Variants in NAA50 observed in about 807,000 individuals in gnomAD.
NAA50 encodes N-alpha-acetyltransferase 50, NatE catalytic subunit.
A neutral mutation model predicts 20.7 loss-of-function variants in NAA50; 7 were observed. The ratio of observed to expected loss-of-function variants is 0.34; its 90% CI spans 0.19 to 0.63. The LOEUF (loss-of-function observed/expected upper bound fraction) is 0.63, where lower values mean the gene tolerates loss of function less well. NAA50 is among the 30% of genes least tolerant of loss of function. The pLI is 0.75. For missense variants in NAA50, 111 were observed against 199.1 expected (o/e 0.56, Z 2.66); for synonymous variants, 54 against 70.6 (o/e 0.77, Z 1.18).
chr3:113,740,636 A>T lies in NAA50; in HGVS notation c.8+5306T>A, dbSNP rs1422366373. On this transcript the variant is annotated intron_variant, in intron 1 of 4. Coordinates refer to ENST00000240922, the MANE Select transcript of NAA50 (RefSeq NM_025146.4). The stretch of plus-strand genomic sequence containing the variant: ...AGTGATCCTCCTGCTTTGGCTTCCC[A>T]AAGTGTCGGGATTACGAGTGTGAGC... Among the ~76,000 whole-genome samples the T allele has an allele frequency of 2.0e-5, 3 of 152,216 alleles. No homozygotes were observed. The East Asian group carries it at 5.8e-4, about 29-fold the overall frequency.
chr3:113,720,883 A>C lies in NAA50; in HGVS notation c.*877T>G, dbSNP rs1355703213. 6.6e-6 allele frequency: 1 copy of C among 152,564 alleles called. No individual in the cohort carries two copies. The highest frequency in any genetic ancestry group is 2.4e-5 in the African/African-American group (1 of 41,448). The allele number at this position is 152,564 out of a possible 1,614,324, so 9.5% of individuals were successfully genotyped here. On this transcript the variant is annotated 3_prime_UTR_variant, in exon 5 of 5. Coordinates refer to ENST00000240922, the MANE Select transcript of NAA50 (RefSeq NM_025146.4). The stretch of plus-strand genomic sequence containing the variant: ...AGGGGTAGTGACCTATAAGGACATC[A>C]ACTCAATTTTTAAGGTTAGACTATT...
intron 1 of NAA50, among the ~76,000 whole-genome samples, chr3:113,734,123 T>C (rs1708307944): frequency 6.6e-6 from 1 of 152,096 alleles, no homozygotes; most frequent in Non-Finnish European, 1.5e-5. Flanking sequence ...TACATAACCA[T>C]AAAAAAGAAC....
intron 1 of NAA50, among the ~76,000 whole-genome samples, chr3:113,734,230 A>G (rs1356670578): frequency 1.3e-5 from 2 of 152,188 alleles, no homozygotes; most frequent in African/African-American, 2.4e-5. Context: ...GTTCTCACTT[A>G]TATGTGGGAG....
intron 1 of NAA50, 177 bp downstream of exon 1, chr3:113,745,765 A>C: frequency 1.3e-6 from 1 of 749,028 alleles, no homozygotes; most frequent in Non-Finnish European, 2.0e-6. Flanking sequence ...TCAGCCCGCC[A>C]ACAGCCCGAG....
At chr3:113,737,383 T>C (rs780836384) in intron 1 of NAA50, among the ~76,000 whole-genome samples, 5 of 152,240 alleles carry the variant, frequency 3.3e-5, no homozygotes, top group Non-Finnish European at 5.9e-5. Flanking sequence ...GTGATTCCTC[T>C]GGAAAATAAA....
Position 113,721,787 on chromosome 3 carries a change from A to T in NAA50, c.483T>A (p.Asn161Lys), listed in dbSNP as rs897260174. 3.7e-6 allele frequency: 6 copies of T among 1,613,932 alleles called. No homozygotes were observed. Among genetic ancestry groups the T allele is most frequent in the Non-Finnish European group, 5.1e-6 (6 of 1,179,826 alleles). The change falls in exon 5 of 5, where the codon AAT becomes AAA. Residue 161 changes from asparagine to lysine, a missense_variant. Coordinates refer to ENST00000240922, the MANE Select transcript of NAA50 (RefSeq NM_025146.4). ...QKNLKVPSGQ[N>K]ADVQKTDN ...AGTTGTCTGTCTTTTGCACATCTGC[A>T]TTCTGACCAGAAGGAACTTTGAGGT...
Position 113,719,398 on chromosome 3 carries a change from T to C in NAA50, c.*2362A>G, listed in dbSNP as rs535474666. ...ATGGATATATCCTGTGATTTTCCAG[T>C]TAACAGAATTGTTCTACTTCAAAGA... is the stretch of plus-strand genomic sequence containing the variant. On this transcript the variant is annotated 3_prime_UTR_variant, in exon 5 of 5. Coordinates refer to ENST00000240922, the MANE Select transcript of NAA50 (RefSeq NM_025146.4). 2.0e-5 allele frequency: 3 copies of C among 152,764 alleles called. No homozygotes were observed. Among genetic ancestry groups the C allele is most frequent in the Non-Finnish European group, 4.4e-5 (3 of 68,002 alleles). 9.5% of individuals were successfully genotyped at this position (152,764 alleles called of 1,614,324 possible).
At chr3:113,725,780 C>T (rs946293622) in intron 1 of NAA50, among the ~76,000 whole-genome samples, 6 of 151,144 alleles carry the variant, frequency 4.0e-5, no homozygotes, top group Non-Finnish European at 8.8e-5. Context: ...CAAAAAACAG[C>T]AATAATTACA....
chr3:113,732,628 T>C (rs906775272), intron 1 of NAA50, among the ~76,000 whole-genome samples: 2 of 152,204 alleles, frequency 1.3e-5, no homozygotes, highest in Admixed American at 1.3e-4. Context: ...GTCTGTTTCC[T>C]TTACTCTTCT....
At chr3:113,736,338 G>C (rs1708341173) in intron 1 of NAA50, among the ~76,000 whole-genome samples, 1 of 152,170 alleles carries the variant, frequency 6.6e-6, no homozygotes, top group African/African-American at 2.4e-5. Flanking sequence ...TACTGCCAAA[G>C]TGCCTACAGA....
At position 113,717,422 on chromosome 3, in the gene NAA50, C is replaced by T. The variant is rs930929092; in HGVS notation, c.*4338G>A. On this transcript the variant is annotated 3_prime_UTR_variant, in exon 5 of 5. Coordinates refer to ENST00000240922, the MANE Select transcript of NAA50 (RefSeq NM_025146.4). Reference sequence around the variant, plus strand: ...AGGTTGAGAATTTCTGCCCCAGTAACAGATCGTTCTCTGACTTAAATAATT... The same window carrying T: ...AGGTTGAGAATTTCTGCCCCAGTAATAGATCGTTCTCTGACTTAAATAATT... The T allele has an allele frequency of 1.3e-5, 2 of 152,170 alleles. No individual in the cohort carries two copies. The highest frequency in any genetic ancestry group is 2.9e-5 in the Non-Finnish European group (2 of 68,026). 9.4% of individuals were successfully genotyped at this position (152,170 alleles called of 1,614,324 possible). A position where few individuals can be genotyped will look rare whatever the true frequency, so the allele number is the denominator to read the frequency against.
intron 1 of NAA50, among the ~76,000 whole-genome samples, chr3:113,740,665 A>T (rs1483817267): frequency 6.6e-6 from 1 of 152,144 alleles, no homozygotes; most frequent in Non-Finnish European, 1.5e-5. Context: ...TGTGAGCCAC[A>T]GTACCCAGCT....
chr3:113,746,070 G>T lies in NAA50; in HGVS notation c.-121C>A. 1 of 1,365,422 alleles carries T rather than the reference G, an allele frequency of 7.3e-7. No homozygotes were observed. Among genetic ancestry groups the T allele is most frequent in the Non-Finnish European group, 1.0e-6 (1 of 1,001,526 alleles). 84.6% of individuals were successfully genotyped at this position (1,365,422 alleles called of 1,614,324 possible). On this transcript the variant is annotated 5_prime_UTR_variant, in exon 1 of 5. Transcript: ENST00000240922. ...CCCGCAAGCCGGCCTCCTAGCCTGG[G>T]CAGGGAGCTGTGCGAGCAACGAAGG...
In NAA50 at chr3:113,746,179, G is replaced by A. The variant is rs1313893418; in HGVS notation, c.-230C>T. 1.7e-5 allele frequency: 9 copies of A among 534,738 alleles called. No homozygotes were observed. Among genetic ancestry groups the A allele is most frequent in the Admixed American group, 4.0e-5 (1 of 24,772 alleles). The allele number at this position is 534,738 out of a possible 1,614,324, so 33.1% of individuals were successfully genotyped here. A position where few individuals can be genotyped will look rare whatever the true frequency, so the allele number is the denominator to read the frequency against. On this transcript the variant is annotated 5_prime_UTR_variant, in exon 1 of 5. The change creates a new upstream start codon in the 5' untranslated region. Transcript: ENST00000240922. The stretch of plus-strand genomic sequence containing the variant: ...CGCTTGTGCCGCCGCTTCTCCACAC[G>A]TGCACTCGGGTCTCTCGGCTCCCTC...
At position 113,745,983 on chromosome 3, in the gene NAA50, A is replaced by G. The variant is rs767512968; in HGVS notation, c.-34T>C. The G allele has an allele frequency of 1.6e-5, 25 of 1,605,964 alleles. No homozygotes were observed. Among genetic ancestry groups the G allele is most frequent in the East Asian group, 2.2e-5 (1 of 44,738 alleles). ...CCTGCTGAGGCCGTCGTTACCACCG[A>G]TATCAACGCCGTCGTAGTCGCCGCC... On this transcript the variant is annotated 5_prime_UTR_variant, in exon 1 of 5. Coordinates refer to ENST00000240922, the MANE Select transcript of NAA50 (RefSeq NM_025146.4).
intron 1 of NAA50, among the ~76,000 whole-genome samples, chr3:113,726,831 G>A (rs1308819666): frequency 1.3e-5 from 2 of 151,592 alleles, no homozygotes; most frequent in Non-Finnish European, 2.9e-5. Flanking sequence ...CTTTTTTTGA[G>A]ACAGGGTTGC....
rs935853649 is a variant in NAA50 at position 113,719,996 on chromosome 3, C to T, written c.*1764G>A. ...GAAGATAAAGGTGCTTAACGCTAAA[C>T]TTTTCTTCTAAGCTTAGATTTGGAT... On this transcript the variant is annotated 3_prime_UTR_variant, in exon 5 of 5. Coordinates refer to ENST00000240922, the MANE Select transcript of NAA50 (RefSeq NM_025146.4). The T allele has an allele frequency of 2.6e-5, 4 of 152,626 alleles. No individual in the cohort carries two copies. Among genetic ancestry groups the T allele is most frequent in the Non-Finnish European group, 5.9e-5 (4 of 68,020 alleles). 9.5% of individuals were successfully genotyped at this position (152,626 alleles called of 1,614,324 possible).
intron 1 of NAA50, among the ~76,000 whole-genome samples, chr3:113,743,058 T>A (rs958844293): frequency 6.6e-6 from 1 of 152,164 alleles, no homozygotes; most frequent in Non-Finnish European, 1.5e-5. Flanking sequence ...TCCTAGTATA[T>A]CTCAAACTTC....
At chr3:113,741,081 C>G in intron 1 of NAA50, 1 of 521,836 alleles carries the variant, frequency 1.9e-6, no homozygotes, top group Non-Finnish European at 3.8e-6. Context: ...CCACATACAG[C>G]ATTAATTGTT....
Sources: allele counts gnomAD v4.1 joint callset (sites outside exome capture counted in the v4.1 genomes callset), GRCh38; gene constraint gnomAD v4.1.1; transcripts MANE v1.5; gene names NCBI Gene and HGNC (gene_info 2026-07-23, HGNC 2026-07-21).